Variants in RSPH14 observed in about 807,000 individuals in gnomAD.
RSPH14 encodes radial spoke head 14 homolog.
In RSPH14, 20 loss-of-function variants were observed where a neutral mutation model predicts 26.7. The observed-to-expected ratio is 0.75, with a 90% CI of 0.53 to 1.09. The LOEUF (loss-of-function observed/expected upper bound fraction) is 1.09, where lower values mean the gene tolerates loss of function less well. Among genes scored for constraint, RSPH14 ranks in the 50% least tolerant of loss-of-function variants. The probability of loss-of-function intolerance (pLI) is 0.00; values close to 1 mark genes in which losing one functional copy is unlikely to be tolerated. For synonymous variants in RSPH14, 177 were observed against 189.3 expected, an observed-to-expected ratio of 0.93 and a Z score of 0.53; for missense variants, 449 against 457.2, an observed-to-expected ratio of 0.98 and a Z score of 0.16.
At chr22:23,118,304 C>G (rs1398152875) in intron 4 of RSPH14, among the ~76,000 whole-genome samples, 1 of 152,250 alleles carries the variant, frequency 6.6e-6, no homozygotes, top group African/African-American at 2.4e-5. Flanking sequence ...CTCACAGGAA[C>G]TGTCTGCTCC....
In RSPH14 at chr22:23,141,976, G is replaced by A; in HGVS notation, c.-80C>T. The A allele has an allele frequency of 2.0e-6, 2 of 985,700 alleles. No individual in the cohort carries two copies. The highest frequency in any genetic ancestry group is 2.4e-6 in the Non-Finnish European group (2 of 830,162). The allele number at this position is 985,700 out of a possible 1,614,324, so 61.1% of individuals were successfully genotyped here. On this transcript the variant is annotated 5_prime_UTR_variant, in exon 1 of 7. Coordinates refer to ENST00000216036, the MANE Select transcript of RSPH14 (RefSeq NM_014433.3). Reference sequence around the variant, plus strand: ...GCCTCCGCAGCCCTTTCTGCTTCCAGTAGCCCGCGCCACTGGCCAACCTAT... The same window carrying A: ...GCCTCCGCAGCCCTTTCTGCTTCCAATAGCCCGCGCCACTGGCCAACCTAT...
chr22:23,145,105 A>G, upstream of RSPH14: 1 of 542,370 alleles, frequency 1.8e-6, no homozygotes, highest in Non-Finnish European at 3.3e-6. Flanking sequence ...GACTCCAATT[A>G]AACATCAATA....
At chr22:23,069,744 C>G (rs2068292343) in intron 4 of RSPH14, among the ~76,000 whole-genome samples, 1 of 152,070 alleles carries the variant, frequency 6.6e-6, no homozygotes, top group African/African-American at 2.4e-5. Flanking sequence ...GACTAATGCT[C>G]CCTCCCATCG....
At chr22:23,152,645 G>C in the RSPH14 span, 1 of 1,003,390 alleles carries the variant, frequency 1.0e-6, no homozygotes, top group East Asian at 2.5e-5. Context: ...AGGAACTGCT[G>C]TGCCTCAGCC....
chr22:23,064,233 G>A, intron 4 of RSPH14, 100 bp from the exon 5 acceptor site: 1 of 1,123,042 alleles, frequency 8.9e-7, no homozygotes, highest in Non-Finnish European at 1.3e-6. Flanking sequence ...CAGAACCAGT[G>A]GGTGGGTTTG....
Position 23,109,299 on chromosome 22 carries a change from G to A in RSPH14, c.421+24727C>T, listed in dbSNP as rs1471795403. Among the ~76,000 whole-genome samples, 10 of 152,170 alleles carry A rather than the reference G, an allele frequency of 6.6e-5. No homozygotes were observed. In the East Asian group the frequency reaches 1.4e-3, roughly 21 times the overall value. On this transcript the variant is annotated intron_variant, in intron 4 of 6. Coordinates refer to ENST00000216036, the MANE Select transcript of RSPH14 (RefSeq NM_014433.3). ...CCACCAAAGCCACGGAGCCAGCCCT[G>A]CTGGCATCCAGAGGCCAGGGTGGGC... is the stretch of plus-strand genomic sequence containing the variant.
upstream of RSPH14, chr22:23,146,570 C>T: frequency 6.2e-7 from 1 of 1,609,628 alleles, no homozygotes; most frequent in Non-Finnish European, 8.5e-7. Context: ...ATTTGCACAG[C>T]TCCTTAACTG....
intron 4 of RSPH14, among the ~76,000 whole-genome samples, chr22:23,069,166 T>C (rs769105531): frequency 5.3e-5 from 8 of 152,158 alleles, no homozygotes; most frequent in Non-Finnish European, 8.8e-5. Context: ...GCCAGGCACA[T>C]GCCCCTGCCC....
chr22:23,132,545 C>T (rs966768279), intron 4 of RSPH14, among the ~76,000 whole-genome samples: 2 of 139,638 alleles, frequency 1.4e-5, no homozygotes, highest in East Asian at 4.0e-4. Context: ...TACAGGACAT[C>T]CCCTTTTAAT....
intron 4 of RSPH14, among the ~76,000 whole-genome samples, chr22:23,068,984 A>T (rs2068274897): frequency 6.6e-6 from 1 of 152,190 alleles, no homozygotes; most frequent in African/African-American, 2.4e-5. Context: ...GTTCGCCTCC[A>T]TGATGCCCAT....
intron 6 of RSPH14, among the ~76,000 whole-genome samples, chr22:23,061,295 T>C (rs2068087274): frequency 6.6e-6 from 1 of 152,160 alleles, no homozygotes; most frequent in South Asian, 2.1e-4. Flanking sequence ...GGTTCTTCCA[T>C]GAGCCCAGGG....
chr22:23,095,756 C>T (rs1028260962), intron 4 of RSPH14: 5 of 1,612,618 alleles, frequency 3.1e-6, no homozygotes, highest in South Asian at 1.1e-5. Flanking sequence ...GAGAATTGAC[C>T]GCCACCTGCG....
the RSPH14 span, among the ~76,000 whole-genome samples, chr22:23,154,875 CA>C: frequency 6.6e-6 from 1 of 152,206 alleles, no homozygotes; most frequent in African/African-American, 2.4e-5. Flanking sequence ...CCTGTAATCC[CA>C]GCACTTTGGG....
At chr22:23,149,383 T>G (rs991988328), upstream of RSPH14, among the ~76,000 whole-genome samples, 3 of 152,052 alleles carry the variant, frequency 2.0e-5, no homozygotes, top group African/African-American at 7.2e-5. Flanking sequence ...TGAGGGTGGG[T>G]GGGGTACGTG....
intron 4 of RSPH14, among the ~76,000 whole-genome samples, chr22:23,129,984 C>T (rs1235791861): frequency 8.5e-6 from 1 of 118,032 alleles, no homozygotes; most frequent in African/African-American, 3.3e-5. Context: ...GAGAAAGAGA[C>T]AAAGAGAGAA....
At chr22:23,127,262 C>T (rs944646843) in intron 4 of RSPH14, among the ~76,000 whole-genome samples, 1 of 152,198 alleles carries the variant, frequency 6.6e-6, no homozygotes, top group Non-Finnish European at 1.5e-5. Context: ...GATGAGCTCA[C>T]CTCACCCAGA....
At chr22:23,129,499 C>A in intron 4 of RSPH14, among the ~76,000 whole-genome samples, 1 of 148,454 alleles carries the variant, frequency 6.7e-6, no homozygotes, top group Non-Finnish European at 1.5e-5. Flanking sequence ...CAAACTCGTA[C>A]ATTTTAGAAG....
At chr22:23,143,688 G>A (rs977812089), upstream of RSPH14, among the ~76,000 whole-genome samples, 2 of 152,156 alleles carry the variant, frequency 1.3e-5, no homozygotes, top group Non-Finnish European at 2.9e-5. Context: ...CTCTGGTAAA[G>A]ATCCCCATGC....
At chr22:23,061,420 TA>T (rs2068089540) in intron 6 of RSPH14, among the ~76,000 whole-genome samples, 1 of 152,024 alleles carries the variant, frequency 6.6e-6, no homozygotes, top group Non-Finnish European at 1.5e-5. Flanking sequence ...TTAGGATGAA[TA>T]AACACCATAG....
Sources: gnomAD v4.1 joint callset for allele counts (sites outside exome capture counted in the v4.1 genomes callset) on GRCh38, gnomAD v4.1.1 for gene constraint, MANE v1.5 for transcripts, NCBI Gene and HGNC (gene_info 2026-07-23, HGNC 2026-07-21) for gene names.